ARAP2: variants seen among roughly 807,000 people sequenced by gnomAD.
The protein encoded by ARAP2 is ArfGAP with RhoGAP domain, ankyrin repeat and PH domain 2, also known as arf-GAP with Rho-GAP domain, ANK repeat and PH domain-containing protein 2.
A neutral mutation model predicts 194.5 loss-of-function variants in ARAP2; 148 were observed. The observed-to-expected ratio is 0.76, with a 90% CI of 0.67 to 0.87. The LOEUF is 0.87. Ranked by LOEUF, ARAP2 falls within the 40% of genes least tolerant of loss-of-function variation. The pLI is 0.00. For missense variants in ARAP2, 2,128 were observed against 1,989.7 expected (o/e 1.07, Z -1.32); for synonymous variants, 695 against 683.5 (o/e 1.02, Z -0.26).
chr4:36,089,024 C>CA (rs1358906229), intron 28 of ARAP2, among the ~76,000 whole-genome samples: 1 of 152,064 alleles, frequency 6.6e-6, no homozygotes, highest in Non-Finnish European at 1.5e-5. Context: ...ACTTGAATCT[C>CA]AGAGAGTTGT....
chr4:36,103,659 G>A (rs1717623617), intron 27 of ARAP2, among the ~76,000 whole-genome samples: 1 of 151,600 alleles, frequency 6.6e-6, no homozygotes. Flanking sequence ...ATGTTCCTAA[G>A]AAATCAAATG....
At chr4:36,221,574 A>T (rs1749177885) in intron 2 of ARAP2, among the ~76,000 whole-genome samples, 1 of 152,142 alleles carries the variant, frequency 6.6e-6, no homozygotes, top group Non-Finnish European at 1.5e-5. Flanking sequence ...GGAATTTTTA[A>T]GGAATATTTT....
chr4:36,021,198 CAAAT>C (rs780179290), intron 5 of ARAP2, among the ~76,000 whole-genome samples: 1 of 152,018 alleles, frequency 6.6e-6, no homozygotes, highest in Non-Finnish European at 1.5e-5. Context: ...TGCAAGCAGT[CAAAT>C]AAAGTCAACA....
chr4:36,170,392 A>G lies in ARAP2; in HGVS notation c.1858-3345T>C, dbSNP rs369873871. On this transcript the variant is annotated intron_variant, in intron 9 of 32. Transcript: ENST00000303965. ...TGCTTGAGGCCAGGAGTTCAAGACC[A>G]GCCTGAGCAACATAGTGAGACCCTG... Among the ~76,000 whole-genome samples, 11 of 152,358 alleles carry G rather than the reference A, an allele frequency of 7.2e-5. No homozygotes were observed. In the East Asian group the frequency reaches 1.7e-3, roughly 24 times the overall value.
At chr4:36,145,101 A>G (rs551212609) in intron 19 of ARAP2, among the ~76,000 whole-genome samples, 1 of 151,980 alleles carries the variant, frequency 6.6e-6, no homozygotes, top group African/African-American at 2.4e-5. Flanking sequence ...AATTTGTTGA[A>G]GAAGAAAGGC....
chr4:36,235,018 C>T (rs903792153), intron 1 of ARAP2, among the ~76,000 whole-genome samples: 4 of 152,140 alleles, frequency 2.6e-5, no homozygotes, highest in African/African-American at 9.7e-5. Context: ...CTGCTACATG[C>T]CCAGCTTACC....
chr4:36,116,999 T>C (rs1577946829), intron 25 of ARAP2, 62 bp downstream of exon 25: 1 of 1,123,764 alleles, frequency 8.9e-7, no homozygotes, highest in South Asian at 1.9e-5. Flanking sequence ...TCAAAATATA[T>C]AAAATAATGC....
intron 31 of ARAP2, among the ~76,000 whole-genome samples, chr4:36,078,765 T>C (rs192558108): frequency 1.3e-5 from 2 of 152,272 alleles, no homozygotes; most frequent in Admixed American, 6.5e-5. Flanking sequence ...ACTCCAATTA[T>C]AAAAACAAAA....
chr4:36,208,359 T>C (rs1451165738), intron 6 of ARAP2, among the ~76,000 whole-genome samples: 1 of 152,222 alleles, frequency 6.6e-6, no homozygotes, highest in Non-Finnish European at 1.5e-5. Context: ...GCTTACGTAT[T>C]GGCTACGTCT....
chr4:36,243,482 G>A (rs936919459), intron 1 of ARAP2: 1 of 149,218 alleles, frequency 6.7e-6, no homozygotes, highest in African/African-American at 2.5e-5. Flanking sequence ...ATTTTCTTGT[G>A]TTTTCCTCTA....
chr4:36,227,092 A>G (rs190756367), intron 2 of ARAP2, among the ~76,000 whole-genome samples: 80 of 152,328 alleles, frequency 5.3e-4, no homozygotes, highest in African/African-American at 1.9e-3. Context: ...AACAATATTT[A>G]CTCAATGAGT....
At chr4:36,166,868 TA>T in intron 10 of ARAP2, 63 bp downstream of exon 10, 1 of 959,580 alleles carries the variant, frequency 1.0e-6, no homozygotes, top group Non-Finnish European at 1.5e-6. Context: ...ACGAACAACA[TA>T]AAGGTGGATC....
chr4:36,186,801 G>A (rs982749636), intron 8 of ARAP2, among the ~76,000 whole-genome samples: 1 of 152,246 alleles, frequency 6.6e-6, no homozygotes, highest in African/African-American at 2.4e-5. Flanking sequence ...GCCTGACAAT[G>A]TCACTGTCTC....
intron 6 of ARAP2, among the ~76,000 whole-genome samples, chr4:36,017,088 C>G (rs951094163): frequency 1.4e-5 from 2 of 146,188 alleles, no homozygotes; most frequent in African/African-American, 5.0e-5. Flanking sequence ...AAGCCCAGCA[C>G]ATAAAGAGAC....
chr4:36,192,046 C>T (rs536695362), intron 7 of ARAP2, among the ~76,000 whole-genome samples: 3 of 152,238 alleles, frequency 2.0e-5, no homozygotes, highest in African/African-American at 7.2e-5. Flanking sequence ...GTTCTCATAG[C>T]TGTTAACACC....
intron 5 of ARAP2, among the ~76,000 whole-genome samples, chr4:36,036,572 C>A (rs1405175460): frequency 6.6e-6 from 1 of 151,962 alleles, no homozygotes; most frequent in Non-Finnish European, 1.5e-5. Context: ...AAAAGTGTCA[C>A]CTTAGGAATA....
At chr4:36,203,704 T>TA (rs996857117) in intron 6 of ARAP2, among the ~76,000 whole-genome samples, 1 of 152,032 alleles carries the variant, frequency 6.6e-6, no homozygotes, top group African/African-American at 2.4e-5. Flanking sequence ...AATACATTAC[T>TA]AAAAAACCTA....
chr4:36,200,291 T>C (rs1428349939), intron 6 of ARAP2, among the ~76,000 whole-genome samples: 1 of 152,106 alleles, frequency 6.6e-6, no homozygotes, highest in African/African-American at 2.4e-5. Flanking sequence ...GTTTTGTTCT[T>C]GTTGCCCAGG....
intron 32 of ARAP2, among the ~76,000 whole-genome samples, chr4:36,069,128 G>A (rs570939798): frequency 6.6e-6 from 1 of 152,194 alleles, no homozygotes; most frequent in African/African-American, 2.4e-5. Context: ...ATGAAGAAAA[G>A]TTTAAACAGT....
Sources: gnomAD v4.1 joint callset for allele counts (sites outside exome capture counted in the v4.1 genomes callset) on GRCh38, gnomAD v4.1.1 for gene constraint, MANE v1.5 for transcripts, NCBI Gene and HGNC (gene_info 2026-07-23, HGNC 2026-07-21) for gene names.